Variants in ANO5 observed in about 807,000 individuals in gnomAD.
The protein encoded by ANO5 is anoctamin-5.
A neutral mutation model predicts 121.0 loss-of-function variants in ANO5; 109 were observed. That is an observed-to-expected ratio of 0.90 (90% CI 0.77 to 1.06). The LOEUF is 1.06. ANO5 is among the 50% of genes least tolerant of loss of function. The probability of loss-of-function intolerance (pLI) is 0.00; values close to 1 mark genes in which losing one functional copy is unlikely to be tolerated. For synonymous variants in ANO5, 406 were observed against 359.9 expected (o/e 1.13, Z -1.45); for missense variants, 1,064 against 1,078.5 (o/e 0.99, Z 0.19).
intron 5 of ANO5, among the ~76,000 whole-genome samples, chr11:22,223,131 T>C (rs1018172332): frequency 6.6e-6 from 1 of 152,048 alleles, no homozygotes; most frequent in Non-Finnish European, 1.5e-5. Flanking sequence ...TGCCCTGCAT[T>C]CTCTTTCTTC....
At chr11:22,221,429 C>T (rs1852648760) in intron 5 of ANO5, among the ~76,000 whole-genome samples, 1 of 151,938 alleles carries the variant, frequency 6.6e-6, no homozygotes, top group Admixed American at 6.6e-5. Context: ...TATTTTTCTT[C>T]TTCTTCCAAG....
intron 7 of ANO5, among the ~76,000 whole-genome samples, chr11:22,235,124 C>A (rs1853172244): frequency 6.6e-6 from 1 of 151,956 alleles, no homozygotes; most frequent in African/African-American, 2.4e-5. Context: ...ATAATTTTTT[C>A]AAATAATGTA....
chr11:22,200,006 T>C (rs1590211071), intron 1 of ANO5, among the ~76,000 whole-genome samples: 2 of 152,276 alleles, frequency 1.3e-5, no homozygotes, highest in Admixed American at 1.3e-4. Flanking sequence ...TTCTCATGCA[T>C]GGTTTTGTAA....
intron 3 of ANO5, 113 bp downstream of exon 3, chr11:22,211,427 A>G: frequency 1.6e-6 from 2 of 1,242,670 alleles, no homozygotes; most frequent in Non-Finnish European, 2.3e-6. Context: ...GCTCTCATAC[A>G]TGGTATTTGA....
intron 13 of ANO5, among the ~76,000 whole-genome samples, chr11:22,255,904 A>G (rs1424356462): frequency 6.6e-6 from 1 of 152,190 alleles, no homozygotes; most frequent in African/African-American, 2.4e-5. Context: ...AAGGAAAATA[A>G]TGTGTATGCT....
intron 14 of ANO5, 125 bp from the exon 15 acceptor site, chr11:22,259,394 T>G: frequency 1.0e-6 from 1 of 978,618 alleles, no homozygotes; most frequent in Middle Eastern, 2.2e-4. Flanking sequence ...TGACTTAGTT[T>G]GCTTTGCACA....
At chr11:22,226,369 C>A (rs2133607605) in intron 6 of ANO5, among the ~76,000 whole-genome samples, 1 of 152,248 alleles carries the variant, frequency 6.6e-6, no homozygotes, top group Non-Finnish European at 1.5e-5. Flanking sequence ...AAATAATTAA[C>A]CAGGCTGTCT....
In ANO5 at chr11:22,250,341, G is replaced by A. The variant is rs776022425; in HGVS notation, c.983G>A (p.Gly328Asp). The A allele has an allele frequency of 6.2e-7, 1 of 1,613,468 alleles. No individual in the cohort carries two copies. Among genetic ancestry groups the A allele is most frequent in the Non-Finnish European group, 8.5e-7 (1 of 1,179,684 alleles). The change falls in exon 10 of 22, where the codon GGC becomes GAC. Residue 328 changes from glycine to aspartate, a missense_variant. Physicochemically the swap from Gly to Asp is moderately conservative, Grantham distance 94. Coordinates refer to ENST00000324559, the MANE Select transcript of ANO5 (RefSeq NM_213599.3). ...GTTGGCTTAGCTTGTTTTATTTATG[G>A]CTTATTATCAATGGAACATAACACA... is the stretch of plus-strand genomic sequence containing the variant. Reference protein sequence around the residue: ...AVVGLACFIYGLLSMEHNTSS... With the variant: ...AVVGLACFIYDLLSMEHNTSS...
intron 18 of ANO5, among the ~76,000 whole-genome samples, chr11:22,270,973 CAG>C (rs1193628057): frequency 6.6e-6 from 1 of 152,182 alleles, no homozygotes; most frequent in African/African-American, 2.4e-5. Flanking sequence ...GAGCAGCTTT[CAG>C]AGAGATTTTT....
chr11:22,209,579 T>A (rs1852217309), intron 2 of ANO5, among the ~76,000 whole-genome samples: 1 of 151,938 alleles, frequency 6.6e-6, no homozygotes. Context: ...ATTCTAAAGC[T>A]CCTTATTCAC....
At chr11:22,262,699 A>T (rs1854230575) in intron 16 of ANO5, among the ~76,000 whole-genome samples, 2 of 152,152 alleles carry the variant, frequency 1.3e-5, no homozygotes, top group Admixed American at 1.3e-4. Flanking sequence ...AGATATAAAG[A>T]ACTCAGAATT....
At chr11:22,229,129 T>C (rs1413052693) in intron 7 of ANO5, among the ~76,000 whole-genome samples, 1 of 151,852 alleles carries the variant, frequency 6.6e-6, no homozygotes, top group East Asian at 1.9e-4. Context: ...CTCCACCTTC[T>C]CTCCATGTCC....
intron 1 of ANO5, 27 bp from the exon 2 acceptor site, chr11:22,203,777 T>C (rs745404429): frequency 7.2e-7 from 1 of 1,380,096 alleles, no homozygotes; most frequent in Non-Finnish European, 1.0e-6. Context: ...TAATTTAACA[T>C]GTTTTTCTCT....
intron 5 of ANO5, among the ~76,000 whole-genome samples, chr11:22,223,220 A>G (rs1291942397): frequency 2.6e-5 from 4 of 151,988 alleles, no homozygotes; most frequent in African/African-American, 9.7e-5. Context: ...CTCAGTATAT[A>G]GTCATGCTTA....
intron 5 of ANO5, 130 bp from the exon 6 acceptor site, chr11:22,225,853 AT>A (rs1852808780): frequency 2.9e-6 from 2 of 681,248 alleles, no homozygotes; most frequent in Admixed American, 2.6e-5. Context: ...CAGATGGAGC[AT>A]TTTTATATAC....
In ANO5 at chr11:22,203,788, T is replaced by C. The variant is rs1251603985; in HGVS notation, c.41-16T>C. On this transcript the variant is annotated splice_polypyrimidine_tract_variant and intron_variant, in intron 1 of 21. Coordinates refer to ENST00000324559, the MANE Select transcript of ANO5 (RefSeq NM_213599.3). Reference sequence around the variant, plus strand: ...TGGCTAATTTAACATGTTTTTCTCTTTCTTATTTAATTTAGGGGAAAAAGT... The same window carrying C: ...TGGCTAATTTAACATGTTTTTCTCTCTCTTATTTAATTTAGGGGAAAAAGT... The C allele has an allele frequency of 1.4e-6, 2 of 1,436,666 alleles. No homozygotes were observed. Among genetic ancestry groups the C allele is most frequent in the East Asian group, 4.6e-5 (2 of 43,090 alleles). 89.0% of individuals were successfully genotyped at this position (1,436,666 alleles called of 1,614,324 possible).
At position 22,276,173 on chromosome 11, in the gene ANO5, A is replaced by C; in HGVS notation, c.2494A>C (p.Lys832Gln). ...GCAATTCTGGCATGTCCTTGCTGCC[A>C]AGATGACCTTCATCATTGTTATGGA... ...NMQFWHVLAA[K>Q]MTFIIVMEHV... The change falls in exon 21 of 22, where the codon AAG (lysine) becomes CAG (glutamine). Residue 832 changes from lysine (K) to glutamine (Q), a missense_variant. Lys to Gln is a moderately conservative substitution (Grantham distance 53). Coordinates refer to ENST00000324559, the MANE Select transcript of ANO5 (RefSeq NM_213599.3). The C allele has an allele frequency of 6.2e-7, 1 of 1,611,072 alleles. No homozygotes were observed. Among genetic ancestry groups the C allele is most frequent in the South Asian group, 1.1e-5 (1 of 91,004 alleles).
At chr11:22,192,790 G>A (rs1371828469), upstream of ANO5, among the ~76,000 whole-genome samples, 1 of 152,216 alleles carries the variant, frequency 6.6e-6, no homozygotes, top group Non-Finnish European at 1.5e-5. Flanking sequence ...AAAAGGACGT[G>A]CGAAGCCTGT....
Position 22,281,474 on chromosome 11 carries a change from T to A in ANO5, c.*1709T>A, listed in dbSNP as rs1348265901. The stretch of plus-strand genomic sequence containing the variant: ...TTTTGGGTAATTTGAAATGATCTCA[T>A]TATTGAAAGATGATTTCATATGTAG... On this transcript the variant is annotated 3_prime_UTR_variant, in exon 22 of 22. Transcript: ENST00000324559. The A allele has an allele frequency of 6.6e-6, 1 of 151,926 alleles. No homozygotes were observed. The highest frequency in any genetic ancestry group is 1.5e-5 in the Non-Finnish European group (1 of 67,852). The allele number at this position is 151,926 out of a possible 1,614,324, so 9.4% of individuals were successfully genotyped here.
Sources: allele counts gnomAD v4.1 joint callset (sites outside exome capture counted in the v4.1 genomes callset), GRCh38; gene constraint gnomAD v4.1.1; transcripts MANE v1.5; gene names NCBI Gene and HGNC (gene_info 2026-07-23, HGNC 2026-07-21).